PKHD1: variants seen among roughly 807,000 people sequenced by gnomAD.
PKHD1 encodes the protein fibrocystin.
Under a neutral mutation model 412.0 loss-of-function variants are expected in PKHD1, and 291 were observed. The observed-to-expected ratio is 0.71, with a 90% confidence interval of 0.64 to 0.78. The LOEUF (loss-of-function observed/expected upper bound fraction) is 0.78, where lower values mean the gene tolerates loss of function less well. Among genes scored for constraint, PKHD1 ranks in the 30% least tolerant of loss-of-function variants. PKHD1 has a pLI of 0.00. For synonymous variants in PKHD1, 1,777 were observed against 1,821.5 expected (o/e 0.98, Z 0.62); for missense variants, 4,825 against 4,950.7 (o/e 0.97, Z 0.76).
At chr6:51,872,362 G>GA (rs1776110575) in intron 46 of PKHD1, among the ~76,000 whole-genome samples, 2 of 148,482 alleles carry the variant, frequency 1.3e-5, no homozygotes, top group South Asian at 2.1e-4. Context: ...CTTTCAGAGA[G>GA]AAAAAAAATA....
chr6:51,909,530 C>A (rs1782647310), intron 39 of PKHD1, 56 bp from the exon 40 acceptor site: 2 of 1,345,418 alleles, frequency 1.5e-6, no homozygotes, highest in Non-Finnish European at 2.1e-6. Flanking sequence ...TGCTTCCAGA[C>A]AAATCTCCCA....
At chr6:51,833,019 T>A (rs1478781804) in intron 51 of PKHD1, among the ~76,000 whole-genome samples, 1 of 152,146 alleles carries the variant, frequency 6.6e-6, no homozygotes, top group Non-Finnish European at 1.5e-5. Flanking sequence ...TTTTTCCCAA[T>A]GTTGCCTGCT....
At chr6:51,766,847 G>A in intron 55 of PKHD1, among the ~76,000 whole-genome samples, 1 of 151,948 alleles carries the variant, frequency 6.6e-6, no homozygotes, top group East Asian at 1.9e-4. Flanking sequence ...TAACTGACAT[G>A]CAGAAATATT....
Position 52,010,349 on chromosome 6 carries a change from T to C in PKHD1, c.5711A>G (p.Lys1904Arg). The C allele has an allele frequency of 1.2e-6, 2 of 1,613,938 alleles. No homozygotes were observed. The highest frequency in any genetic ancestry group is 1.3e-5 in the African/African-American group (1 of 75,032). Residue 1904 changes from lysine (K) to arginine (R), a missense_variant, in exon 35 of 67, where the codon AAG (lysine) becomes AGG (arginine). Coordinates refer to ENST00000371117, the MANE Select transcript of PKHD1 (RefSeq NM_138694.4). The stretch of plus-strand genomic sequence containing the variant: ...CCAGCGTTTCCGTATCTCAGTAATC[T>C]TGACGGTAATTGGCTGATTGGGCGT... ...CETPNQPITV[K>R]ITEIRKRWGQ...
rs1202391344 is a variant in PKHD1 at position 52,062,581 on chromosome 6, C to G, written c.1056G>C (p.Trp352Cys). 2 of 1,614,144 alleles carry G rather than the reference C, an allele frequency of 1.2e-6. No homozygotes were observed. The highest frequency in any genetic ancestry group is 2.7e-5 in the African/African-American group (2 of 75,056). The change falls in exon 14 of 67, where the codon TGG becomes TGC. Residue 352 changes from tryptophan (W) to cysteine (C), a missense_variant. Transcript: ENST00000371117. ...ELTEATPGYR[W>C]QIVPNASSPF... ...GAGAACTGGCATTAGGGACAATCTGCCACCTGTACCCTGGGGTGGCTTCAG... is the reference window on the plus strand; with the variant it reads ...GAGAACTGGCATTAGGGACAATCTGGCACCTGTACCCTGGGGTGGCTTCAG...
intron 43 of PKHD1, among the ~76,000 whole-genome samples, chr6:51,902,090 C>A (rs1781389187): frequency 6.6e-6 from 1 of 152,148 alleles, no homozygotes; most frequent in East Asian, 1.9e-4. Context: ...AAGGACATTC[C>A]AGCTTCACAC....
chr6:52,078,154 C>A (rs564807342), intron 5 of PKHD1, among the ~76,000 whole-genome samples: 3 of 152,052 alleles, frequency 2.0e-5, no homozygotes, highest in Non-Finnish European at 4.4e-5. Context: ...CTCGTGAGAT[C>A]GTGGTGGGGC....
intron 60 of PKHD1, among the ~76,000 whole-genome samples, chr6:51,722,949 A>T (rs1782110385): frequency 6.6e-6 from 1 of 152,204 alleles, no homozygotes; most frequent in Admixed American, 6.5e-5. Context: ...ATAAAGGGTC[A>T]TTCTCATTTG....
At chr6:51,635,572 C>T (rs567286) in intron 64 of PKHD1, among the ~76,000 whole-genome samples, 3,859 of 152,064 alleles carry the variant, frequency 0.025, 177 homozygotes, top group African/African-American at 0.088. Context: ...ACCCAGCACA[C>T]GGACAGTAGA....
Position 51,639,825 on chromosome 6 carries a change from G to C in PKHD1, c.11399-869C>G, listed in dbSNP as rs116105037. Among the ~76,000 whole-genome samples the C allele has an allele frequency of 7.1e-3, 1,080 of 152,270 alleles. 15 individuals are homozygous for C. Among genetic ancestry groups the C allele is most frequent in the African/African-American group, 0.025 (1,031 of 41,570 alleles). On this transcript the variant is annotated intron_variant, in intron 63 of 66. Coordinates refer to ENST00000371117, the MANE Select transcript of PKHD1 (RefSeq NM_138694.4). Reference sequence around the variant, plus strand: ...AAAGTGGTCTGAAAGTTTATAGATTGGTTTGAGATCTCTAAGGCTGAAATG... The same window carrying C: ...AAAGTGGTCTGAAAGTTTATAGATTCGTTTGAGATCTCTAAGGCTGAAATG...
At chr6:51,818,708 C>T (rs9474086) in intron 52 of PKHD1, among the ~76,000 whole-genome samples, 140,328 of 152,278 alleles carry the variant, frequency 0.92, 65,792 homozygotes, top group East Asian at 1. Flanking sequence ...GAAGTGGCCA[C>T]GTGGCTAAGT....
intron 66 of PKHD1, among the ~76,000 whole-genome samples, chr6:51,620,120 G>T (rs1766422380): frequency 6.6e-6 from 1 of 152,098 alleles, no homozygotes; most frequent in Non-Finnish European, 1.5e-5. Context: ...CCTGCTATCT[G>T]GCTTCATGAC....
chr6:51,747,862 G>A lies in PKHD1; in HGVS notation c.9754C>T (p.Pro3252Ser), dbSNP rs769288175. Residue 3252 changes from proline (P) to serine (S), a missense_variant, in exon 58 of 67, where the codon CCA becomes TCA. By Grantham distance (74) the Pro-to-Ser change is moderately conservative (BLOSUM62 -1). Coordinates refer to ENST00000371117, the MANE Select transcript of PKHD1 (RefSeq NM_138694.4). ...GILWPVFTSE[P>S]NQWPQEPWHK... ...CATGGCTCCTGAGGCCACTGATTTG[G>A]TTCTGAGGTGAATACAGGCCACAGA... 2.5e-6 allele frequency: 4 copies of A among 1,613,572 alleles called. No homozygotes were observed. The highest frequency in any genetic ancestry group is 1.7e-5 in the Admixed American group (1 of 59,952).
In PKHD1 at chr6:52,082,537, C is replaced by T; in HGVS notation, c.136G>A (p.Glu46Lys). The change falls in exon 4 of 67, where the codon GAG (glutamate) becomes AAG (lysine). Residue 46 changes from glutamate to lysine, a missense_variant. Transcript: ENST00000371117. ...TWITVIFDGL[E>K]LGVLYPNNGS... ...TTGTTGGGGTAAAGAACACCCAACT[C>T]CAAACCTAACACAAGGGAAAGAAAT... 1 of 1,613,952 alleles carries T rather than the reference C, an allele frequency of 6.2e-7. No homozygotes were observed. Among genetic ancestry groups the T allele is most frequent in the Middle Eastern group, 1.7e-4 (1 of 6,058 alleles).
At position 51,621,111 on chromosome 6, in the gene PKHD1, G is replaced by A. The variant is rs79404350; in HGVS notation, c.11786-1591C>T. ...ATTTATGCCTCAATACTTGTCTGGA[G>A]TTTCTCATTTGACCTGCACAGTTGC... On this transcript the variant is annotated intron_variant, in intron 66 of 66. Coordinates refer to ENST00000371117, the MANE Select transcript of PKHD1 (RefSeq NM_138694.4). Among the ~76,000 whole-genome samples, 942 of 152,236 alleles carry A rather than the reference G, an allele frequency of 6.2e-3. 7 individuals carry two copies. The highest frequency in any genetic ancestry group is 9.6e-3 in the Non-Finnish European group (654 of 68,006).
At chr6:51,817,907 T>C (rs1311459324) in intron 52 of PKHD1, among the ~76,000 whole-genome samples, 2 of 152,284 alleles carry the variant, frequency 1.3e-5, no homozygotes, top group Admixed American at 1.3e-4. Context: ...GTGCGTGGGC[T>C]ATACAGACAC....
chr6:51,773,729 T>C (rs1223171834), intron 54 of PKHD1, among the ~76,000 whole-genome samples: 6 of 150,186 alleles, frequency 4.0e-5, no homozygotes, highest in African/African-American at 1.5e-4. Flanking sequence ...AACATAGAAA[T>C]AAAAGAAGCA....
At chr6:51,620,195 A>T (rs1766431695) in intron 66 of PKHD1, among the ~76,000 whole-genome samples, 2 of 152,332 alleles carry the variant, frequency 1.3e-5, no homozygotes, top group African/African-American at 2.4e-5. Context: ...GTGCTACTTC[A>T]AAATTTACTA....
intron 36 of PKHD1, among the ~76,000 whole-genome samples, chr6:51,936,855 C>T (rs986271633): frequency 1.3e-5 from 2 of 152,092 alleles, no homozygotes; most frequent in Non-Finnish European, 2.9e-5. Flanking sequence ...GACAGATAGC[C>T]GGCCCTGAAA....
Sources: gnomAD v4.1 joint callset for allele counts (sites outside exome capture counted in the v4.1 genomes callset) on GRCh38, gnomAD v4.1.1 for gene constraint, MANE v1.5 for transcripts, NCBI Gene and HGNC (gene_info 2026-07-23, HGNC 2026-07-21) for gene names.